Variants in OTUD4 observed in about 807,000 individuals in gnomAD.
OTUD4 encodes OTU deubiquitinase 4.
A neutral mutation model predicts 130.4 loss-of-function variants in OTUD4; 24 were observed. The observed-to-expected ratio is 0.18, with a 90% CI of 0.13 to 0.26. The LOEUF is 0.26. Ranked by LOEUF, OTUD4 falls within the 10% of genes least tolerant of loss-of-function variation. The pLI, the probability that OTUD4 is intolerant of heterozygous loss-of-function variation, is 1.00. For missense variants in OTUD4, 1,031 were observed against 1,329.4 expected (o/e 0.78, Z 3.49); for synonymous variants, 420 against 472.5 (o/e 0.89, Z 1.44).
intron 15 of OTUD4, 105 bp downstream of exon 15, chr4:145,144,206 A>C: frequency 1.6e-6 from 2 of 1,275,138 alleles, no homozygotes; most frequent in Non-Finnish European, 2.2e-6. Flanking sequence ...GACATTAGAT[A>C]AACTACTTAA....
chr4:145,172,713 T>C (rs1467525547), intron 2 of OTUD4, among the ~76,000 whole-genome samples: 6 of 152,212 alleles, frequency 3.9e-5, no homozygotes, highest in African/African-American at 1.2e-4. Context: ...TTTCATAGAT[T>C]ATATAATGTC....
intron 9 of OTUD4, 28 bp downstream of exon 9, chr4:145,155,541 T>G: frequency 6.2e-7 from 1 of 1,600,068 alleles, no homozygotes; most frequent in Non-Finnish European, 8.5e-7. Flanking sequence ...CAAAGCAAAT[T>G]TATGGAAAAT....
At chr4:145,178,448 T>G (rs1752530850) in intron 1 of OTUD4, 1 of 152,288 alleles carries the variant, frequency 6.6e-6, no homozygotes, top group African/African-American at 2.4e-5. Flanking sequence ...CTGGAGGTGC[T>G]GAGGAGTCCA....
intron 3 of OTUD4, chr4:145,170,761 A>C (rs936683253): frequency 1.3e-5 from 2 of 152,182 alleles, no homozygotes; most frequent in South Asian, 4.1e-4. Flanking sequence ...TTTACTCCTT[A>C]ACTCTTCTTA....
chr4:145,151,496 G>T (rs574219377), intron 11 of OTUD4, among the ~76,000 whole-genome samples: 1 of 152,056 alleles, frequency 6.6e-6, no homozygotes, highest in African/African-American at 2.4e-5. Context: ...TTAGCCGGGC[G>T]TAGTGACACA....
chr4:145,177,252 ATAAG>A (rs1214304916), intron 1 of OTUD4, among the ~76,000 whole-genome samples: 1 of 152,242 alleles, frequency 6.6e-6, no homozygotes, highest in East Asian at 1.9e-4. Flanking sequence ...GGTGGCAAAC[ATAAG>A]TTAGTAAAGC....
chr4:145,158,215 G>A (rs901313645), intron 7 of OTUD4, among the ~76,000 whole-genome samples: 9 of 152,170 alleles, frequency 5.9e-5, no homozygotes, highest in Non-Finnish European at 1.2e-4. Flanking sequence ...GCTGGGCAGT[G>A]GCTCACGCCT....
Position 145,155,956 on chromosome 4 carries a change from TAAATCCATTCAC to T in OTUD4, c.658_669del (p.Val220_Phe223del). On this transcript the variant is annotated inframe_deletion, in exon 8 of 21. Transcript: ENST00000447906. ...AATACCTCATTGCCTGACAAAGGTT[TAAATCCATTCAC>T]ATCAGCAGCAGCAGCAGCAGTCTTA... 1 of 1,611,904 alleles carries T rather than the reference TAAATCCATTCAC, an allele frequency of 6.2e-7. No individual in the cohort carries two copies. Among genetic ancestry groups the T allele is most frequent in the Non-Finnish European group, 8.5e-7 (1 of 1,179,158 alleles).
In OTUD4 at chr4:145,151,672, G is replaced by C. The variant is rs1007315546; in HGVS notation, c.969-767C>G. Among the ~76,000 whole-genome samples, 4 of 152,238 alleles carry C rather than the reference G, an allele frequency of 2.6e-5. No homozygotes were observed. In the South Asian group the frequency reaches 6.2e-4, roughly 24 times the overall value. The stretch of plus-strand genomic sequence containing the variant: ...AAAAATTTGCCAAACGCTGTTAGTT[G>C]CTAAAAATGGGTGTTGAGTTATATT... On this transcript the variant is annotated intron_variant, in intron 11 of 20. Transcript: ENST00000447906.
At chr4:145,171,913 A>G (rs1458201485) in intron 2 of OTUD4, among the ~76,000 whole-genome samples, 193 bp from the exon 3 acceptor site, 1 of 152,266 alleles carries the variant, frequency 6.6e-6, no homozygotes, top group Non-Finnish European at 1.5e-5. Flanking sequence ...TAAACATACA[A>G]AAGAATTTAA....
At chr4:145,161,447 A>G (rs1751560754) in intron 6 of OTUD4, among the ~76,000 whole-genome samples, 1 of 152,228 alleles carries the variant, frequency 6.6e-6, no homozygotes, top group African/African-American at 2.4e-5. Flanking sequence ...CTAGCTTAAG[A>G]GCAGAGGAAA....
Position 145,155,952 on chromosome 4 carries a change from G to A in OTUD4, c.674C>T (p.Pro225Leu). The A allele has an allele frequency of 6.2e-7, 1 of 1,611,100 alleles. No homozygotes were observed. The highest frequency in any genetic ancestry group is 2.2e-5 in the East Asian group (1 of 44,794). The stretch of plus-strand genomic sequence containing the variant: ...AAAAAATACCTCATTGCCTGACAAA[G>A]GTTTAAATCCATTCACATCAGCAGC... ...AAAADVNGFK[P>L]LSGNEQLKNN... The change falls in exon 8 of 21, where the codon CCT becomes CTT. Residue 225 changes from proline (P) to leucine (L), a missense_variant. Around this residue, in one of 3 missense-constraint regions of OTUD4, gnomAD observed 900 missense variants for 1,095.9 expected, o/e 0.82. Transcript: ENST00000447906.
chr4:145,139,045 G>C (rs924741324), intron 20 of OTUD4, among the ~76,000 whole-genome samples: 1 of 152,158 alleles, frequency 6.6e-6, no homozygotes, highest in African/African-American at 2.4e-5. Context: ...GATCTCCAAT[G>C]TCAGGACTCT....
At chr4:145,152,272 C>T (rs748210216) in intron 11 of OTUD4, among the ~76,000 whole-genome samples, 1 of 152,050 alleles carries the variant, frequency 6.6e-6, no homozygotes, top group Non-Finnish European at 1.5e-5. Context: ...GCTGCCATGT[C>T]CAGCTAATTT....
At chr4:145,174,222 T>C (rs1452615767) in intron 2 of OTUD4, among the ~76,000 whole-genome samples, 1 of 152,150 alleles carries the variant, frequency 6.6e-6, no homozygotes, top group East Asian at 1.9e-4. Flanking sequence ...CTTGAACTCT[T>C]CACCTCCCAA....
In OTUD4 at chr4:145,141,347, A is replaced by G. The variant is rs766463977; in HGVS notation, c.2083+32T>C. 15 of 1,542,410 alleles carry G rather than the reference A, an allele frequency of 9.7e-6. No individual in the cohort carries two copies. In the African/African-American group the frequency reaches 1.4e-4, roughly 14 times the overall value. On this transcript the variant is annotated intron_variant, in intron 19 of 20. Coordinates refer to ENST00000447906, the MANE Select transcript of OTUD4 (RefSeq NM_001366057.1). ...TTAACTAAGCTTATTTGGACTTGAT[A>G]AAGTCGATTTGAACTTGGAGAAGGA... is the stretch of plus-strand genomic sequence containing the variant.
chr4:145,142,892 G>A (rs1042599449), intron 17 of OTUD4, among the ~76,000 whole-genome samples: 3 of 152,042 alleles, frequency 2.0e-5, no homozygotes, highest in African/African-American at 7.2e-5. Context: ...TAGAACACAG[G>A]TTCATCATGA....
intron 5 of OTUD4, 119 bp downstream of exon 5, chr4:145,164,035 C>T (rs1326371302): frequency 3.4e-6 from 2 of 585,688 alleles, no homozygotes; most frequent in East Asian, 3.3e-5. Flanking sequence ...ATCAGAATAC[C>T]ATAACCTTAA....
At chr4:145,172,515 TTA>T (rs1335279939) in intron 2 of OTUD4, among the ~76,000 whole-genome samples, 3 of 152,236 alleles carry the variant, frequency 2.0e-5, no homozygotes, top group Non-Finnish European at 4.4e-5. Context: ...ACAACCTTTT[TTA>T]TGTTTCTTTA....
Sources: allele counts gnomAD v4.1 joint callset (sites outside exome capture counted in the v4.1 genomes callset), GRCh38; gene constraint gnomAD v4.1.1; regional missense constraint gnomAD v4.1.1; transcripts MANE v1.5; gene names NCBI Gene and HGNC (gene_info 2026-07-23, HGNC 2026-07-21).